The following LPAR1 variants were observed in gnomAD, a reference collection of about 807,000 sequenced individuals.
LPAR1 encodes the protein LPA receptor 1.
LPAR1 carries 5 observed loss-of-function variants against 23.8 expected under a neutral mutation model. The ratio of observed to expected loss-of-function variants is 0.21; its 90% CI spans 0.11 to 0.44. The LOEUF (loss-of-function observed/expected upper bound fraction) is 0.44, where lower values mean the gene tolerates loss of function less well. Among genes scored for constraint, LPAR1 ranks in the 20% least tolerant of loss-of-function variants. The pLI, the probability that LPAR1 is intolerant of heterozygous loss-of-function variation, is 0.99. For synonymous variants in LPAR1, 160 were observed against 164.7 expected, an observed-to-expected ratio of 0.97 and a Z score of 0.22; for missense variants, 311 against 482.8, an observed-to-expected ratio of 0.64 and a Z score of 3.33.
Position 110,941,536 on chromosome 9 carries a change from A to C in LPAR1, c.678T>G (p.Ala226=). Reference sequence around the variant, plus strand: ...TCTGGCGAACATAGCCAAAGATGTGAGCATAGAGAACCACCATTACCACAA... The same window carrying C: ...TCTGGCGAACATAGCCAAAGATGTGCGCATAGAGAACCACCATTACCACAA... ...VTFVVMVVLY[A]HIFGYVRQRT... The change falls in exon 5 of 6, where the codon GCT becomes GCG. Residue 226 remains alanine (A), a synonymous_variant. Transcript: ENST00000683809. The surrounding 1 kb of genome is among the most constrained non-coding windows in gnomAD (Gnocchi z 6.1). 1 of 1,614,156 alleles carries C rather than the reference A, an allele frequency of 6.2e-7. No individual in the cohort carries two copies. The highest frequency in any genetic ancestry group is 8.5e-7 in the Non-Finnish European group (1 of 1,180,010).
intron 2 of LPAR1, among the ~76,000 whole-genome samples, chr9:110,986,624 G>A (rs779435113): frequency 3.3e-5 from 5 of 150,600 alleles, no homozygotes; most frequent in Non-Finnish European, 1.5e-5. Context: ...AAAATAGAAG[G>A]AATGTGAATA....
chr9:110,916,107 C>T (rs558217797), intron 5 of LPAR1, among the ~76,000 whole-genome samples: 2 of 152,276 alleles, frequency 1.3e-5, no homozygotes, highest in East Asian at 3.9e-4. Flanking sequence ...CATGTATACA[C>T]ACATGTAGCA....
At chr9:110,922,371 C>A (rs1332346454) in intron 5 of LPAR1, among the ~76,000 whole-genome samples, 1 of 152,070 alleles carries the variant, frequency 6.6e-6, no homozygotes, top group Non-Finnish European at 1.5e-5. Context: ...AATATGATAT[C>A]TGCTATAATA....
In LPAR1 at chr9:110,874,409, T is replaced by C. The variant is rs980832362; in HGVS notation, c.*1012A>G. On this transcript the variant is annotated 3_prime_UTR_variant, in exon 6 of 6. Coordinates refer to ENST00000683809, the MANE Select transcript of LPAR1 (RefSeq NM_001351411.2). Reference sequence around the variant, plus strand: ...TATGACTCCAATTATGTAAAAAAAGTATACAATACACATATAGGCATACAT... The same window carrying C: ...TATGACTCCAATTATGTAAAAAAAGCATACAATACACATATAGGCATACAT... 2.1e-4 allele frequency: 32 copies of C among 152,748 alleles called. No homozygotes were observed. The highest frequency in any genetic ancestry group is 7.5e-4 in the African/African-American group (31 of 41,574). 9.5% of individuals were successfully genotyped at this position (152,748 alleles called of 1,614,324 possible).
At chr9:110,922,824 ATATTATTATTAT>A (rs61229734) in intron 5 of LPAR1, among the ~76,000 whole-genome samples, 7 of 142,242 alleles carry the variant, frequency 4.9e-5, no homozygotes, top group Non-Finnish European at 7.6e-5. Flanking sequence ...TCTTATTATT[ATATTATTATTAT>A]TATTATTATT....
intron 5 of LPAR1, among the ~76,000 whole-genome samples, chr9:110,906,403 T>C (rs768186915): frequency 2.6e-5 from 4 of 152,230 alleles, no homozygotes; most frequent in Non-Finnish European, 5.9e-5. Context: ...CATGTGTTCT[T>C]TGGGTGAAAA....
At chr9:111,030,993 T>C (rs2097784428) in intron 2 of LPAR1, among the ~76,000 whole-genome samples, 1 of 152,152 alleles carries the variant, frequency 6.6e-6, no homozygotes, top group Non-Finnish European at 1.5e-5. Context: ...ATATTAATTT[T>C]TGTAGGTTTG....
At chr9:110,992,304 C>G (rs1410010628) in intron 2 of LPAR1, among the ~76,000 whole-genome samples, 1 of 152,006 alleles carries the variant, frequency 6.6e-6, no homozygotes, top group Non-Finnish European at 1.5e-5. Flanking sequence ...AATGAAACAC[C>G]ACTACATGAC....
chr9:110,893,130 T>C (rs2085087294), intron 5 of LPAR1, among the ~76,000 whole-genome samples: 1 of 152,334 alleles, frequency 6.6e-6, no homozygotes, highest in Admixed American at 6.5e-5. Context: ...AATAAATAAA[T>C]GGACACACTC....
intron 4 of LPAR1, among the ~76,000 whole-genome samples, chr9:110,951,262 A>C (rs1439599792): frequency 1.3e-5 from 2 of 152,124 alleles, no homozygotes; most frequent in Non-Finnish European, 2.9e-5. Context: ...TGAAGAGGGG[A>C]ATATTTCTAA....
At position 110,922,891 on chromosome 9, in the gene LPAR1, C is replaced by A. The variant is rs1212326045; in HGVS notation, c.793+18530G>T. On this transcript the variant is annotated intron_variant, in intron 5 of 5. Coordinates refer to ENST00000683809, the MANE Select transcript of LPAR1 (RefSeq NM_001351411.2). Reference sequence around the variant, plus strand: ...TTCTGGGGTACATATGCAGAACGTGCAGGTTTGTTACATAGGTATACACGT... The same window carrying A: ...TTCTGGGGTACATATGCAGAACGTGAAGGTTTGTTACATAGGTATACACGT... Among the ~76,000 whole-genome samples the A allele has an allele frequency of 6.0e-5, 9 of 150,340 alleles. No homozygotes were observed. The East Asian group carries it at 1.6e-3, about 26-fold the overall frequency.
intron 4 of LPAR1, among the ~76,000 whole-genome samples, chr9:110,953,941 C>T (rs538924432): frequency 4.3e-4 from 66 of 152,130 alleles, no homozygotes; most frequent in Non-Finnish European, 7.5e-4. Flanking sequence ...CACAATAATT[C>T]TTCAGCAATA....
intron 5 of LPAR1, among the ~76,000 whole-genome samples, chr9:110,917,993 A>G (rs183831459): frequency 6.6e-6 from 1 of 152,240 alleles, no homozygotes; most frequent in Admixed American, 6.5e-5. Flanking sequence ...GCCTCCACCT[A>G]CAGGCCTCAT....
At chr9:111,031,422 A>C (rs2097792946) in intron 2 of LPAR1, among the ~76,000 whole-genome samples, 1 of 150,428 alleles carries the variant, frequency 6.6e-6, no homozygotes, top group African/African-American at 2.5e-5. Flanking sequence ...AAAAAAAGAA[A>C]AGAAAAAGAA....
intron 5 of LPAR1, among the ~76,000 whole-genome samples, chr9:110,885,005 C>A: frequency 6.6e-6 from 1 of 152,118 alleles, no homozygotes; most frequent in East Asian, 1.9e-4. Context: ...CATTTCACTA[C>A]TTGGTAGTGG....
At chr9:110,949,262 C>A (rs2095493565) in intron 4 of LPAR1, among the ~76,000 whole-genome samples, 1 of 151,996 alleles carries the variant, frequency 6.6e-6, no homozygotes, top group Admixed American at 6.6e-5. Context: ...ACTCATCTTC[C>A]AAAAGGAAAA....
chr9:111,037,305 A>G (rs1326629274), intron 1 of LPAR1, among the ~76,000 whole-genome samples: 1 of 152,214 alleles, frequency 6.6e-6, no homozygotes, highest in Non-Finnish European at 1.5e-5. Flanking sequence ...CAGCACCCAC[A>G]TTTATGAAAA....
At chr9:110,974,354 T>G (rs927777199) in intron 2 of LPAR1, among the ~76,000 whole-genome samples, 2 of 151,898 alleles carry the variant, frequency 1.3e-5, no homozygotes, top group African/African-American at 4.8e-5. Context: ...AACTGTGGAG[T>G]TGGACATTTA....
intron 4 of LPAR1, among the ~76,000 whole-genome samples, chr9:110,955,175 C>T (rs574654511): frequency 1.3e-5 from 2 of 152,282 alleles, no homozygotes; most frequent in African/African-American, 4.8e-5. Context: ...TCCAACTATA[C>T]TGTTACCCAC....
Sources: gnomAD v4.1 joint callset for allele counts (sites outside exome capture counted in the v4.1 genomes callset) on GRCh38, gnomAD v4.1.1 for gene constraint, Gnocchi (gnomAD v3.1) non-coding constraint, MANE v1.5 for transcripts, NCBI Gene and HGNC (gene_info 2026-07-23, HGNC 2026-07-21) for gene names.